Variants in AVL9 observed in about 807,000 individuals in gnomAD.
AVL9 encodes the protein late secretory pathway protein AVL9 homolog.
AVL9 carries 49 observed loss-of-function variants against 79.2 expected under a neutral mutation model. That is an observed-to-expected ratio of 0.62 (90% CI 0.49 to 0.79). The LOEUF is 0.79. Ranked by LOEUF, AVL9 falls within the 30% of genes least tolerant of loss-of-function variation. The pLI, the probability that AVL9 is intolerant of heterozygous loss-of-function variation, is 0.00. For synonymous variants in AVL9, 299 were observed against 280.6 expected (o/e 1.07, Z -0.65); for missense variants, 682 against 776.8 (o/e 0.88, Z 1.45).
At chr7:32,535,252 T>C (rs1022124517) in intron 1 of AVL9, 1 of 152,232 alleles carries the variant, frequency 6.6e-6, no homozygotes, top group African/African-American at 2.4e-5. Context: ...ATAAAATCTT[T>C]GGAGACCATT....
chr7:32,497,113 T>A (rs1246135652), intron 1 of AVL9, among the ~76,000 whole-genome samples: 1 of 67,326 alleles, frequency 1.5e-5, no homozygotes, highest in Non-Finnish European at 3.2e-5. Flanking sequence ...CCCAGCACTT[T>A]GGGAGGCCGA....
chr7:32,550,872 AAAGT>A (rs1195200503), intron 4 of AVL9, among the ~76,000 whole-genome samples: 4 of 152,208 alleles, frequency 2.6e-5, no homozygotes, highest in Non-Finnish European at 5.9e-5. Context: ...GGCCAGCAAA[AAAGT>A]GTGCAGAATT....
intron 1 of AVL9, among the ~76,000 whole-genome samples, chr7:32,503,319 G>GATATATATATATATATAT (rs371363185): frequency 3.3e-5 from 4 of 120,684 alleles, no homozygotes; most frequent in Admixed American, 9.1e-5. Context: ...TCTACTAAAA[G>GATATATATATATATATAT]ATATATATAT....
rs181362755 is a variant in AVL9 at position 32,507,816 on chromosome 7, A to G, written c.93+12014A>G. Reference sequence around the variant, plus strand: ...CCTGTCTTCGCTTTTAGTAGATATCAAATTGTTTTCCGAAACAGTGGAACC... The same window carrying G: ...CCTGTCTTCGCTTTTAGTAGATATCGAATTGTTTTCCGAAACAGTGGAACC... On this transcript the variant is annotated intron_variant, in intron 1 of 15. Transcript: ENST00000318709. Among the ~76,000 whole-genome samples, 121 of 152,352 alleles carry G rather than the reference A, an allele frequency of 7.9e-4. 1 individual carries two copies. Among genetic ancestry groups the G allele is most frequent in the African/African-American group, 2.8e-3 (116 of 41,588 alleles).
rs999967899 is a variant in AVL9, at chr7:32,580,524, C to T, written c.1742+252C>T. 2.4e-4 allele frequency among the ~76,000 whole-genome samples: 36 copies of T among 152,140 alleles called. 1 individual carries two copies. Among genetic ancestry groups the T allele is most frequent in the Admixed American group, 1.3e-4 (2 of 15,266 alleles). Reference sequence around the variant, plus strand: ...TTTTGGTGAAGTGCTTTTAGCAAGCCGTGGCTGTCGGAGAGATGCAGCCAT... The same window carrying T: ...TTTTGGTGAAGTGCTTTTAGCAAGCTGTGGCTGTCGGAGAGATGCAGCCAT... On this transcript the variant is annotated intron_variant, in intron 14 of 15. Coordinates refer to ENST00000318709, the MANE Select transcript of AVL9 (RefSeq NM_015060.3).
intron 11 of AVL9, among the ~76,000 whole-genome samples, chr7:32,570,542 G>A (rs1396554020): frequency 6.6e-6 from 1 of 152,082 alleles, no homozygotes; most frequent in East Asian, 1.9e-4. Flanking sequence ...TTGATACCAA[G>A]ACGAAAGCTA....
chr7:32,513,537 GCCT>G (rs1340948130), intron 1 of AVL9, among the ~76,000 whole-genome samples: 1 of 152,244 alleles, frequency 6.6e-6, no homozygotes, highest in Non-Finnish European at 1.5e-5. Context: ...TGACTTGGAA[GCCT>G]CCTTCTTTGA....
chr7:32,580,743 G>T, intron 14 of AVL9, 59 bp from the exon 15 acceptor site: 1 of 1,159,768 alleles, frequency 8.6e-7, no homozygotes, highest in East Asian at 2.4e-5. Flanking sequence ...GTCTGTGTGC[G>T]TGTGTGAGAT....
intron 1 of AVL9, among the ~76,000 whole-genome samples, chr7:32,503,361 GAT>G (rs367803456): frequency 0.021 from 2,513 of 121,280 alleles, 51 homozygotes; most frequent in African/African-American, 0.047. Context: ...GATATAGAGA[GAT>G]ATATATATAT....
At chr7:32,518,473 C>CTTTTT (rs1788002743) in intron 1 of AVL9, among the ~76,000 whole-genome samples, 1 of 151,328 alleles carries the variant, frequency 6.6e-6, no homozygotes, top group East Asian at 1.9e-4. Flanking sequence ...TGTAGGAAAA[C>CTTTTT]ATTGTTTCAA....
chr7:32,510,206 C>T (rs1597553), intron 1 of AVL9, among the ~76,000 whole-genome samples: 150,174 of 150,792 alleles, frequency 1, 74,781 homozygotes, highest in Non-Finnish European at 1. Context: ...GGGTGAGATA[C>T]GTGAGCCGTC....
intron 4 of AVL9, among the ~76,000 whole-genome samples, chr7:32,549,211 T>TTA (rs3079798): frequency 3.1e-4 from 44 of 142,460 alleles, no homozygotes; most frequent in South Asian, 6.7e-4. Context: ...AAAAAAAATT[T>TTA]TATATATATA....
chr7:32,526,174 T>TA (rs1480692931), intron 1 of AVL9, among the ~76,000 whole-genome samples: 3 of 152,188 alleles, frequency 2.0e-5, no homozygotes, highest in African/African-American at 7.2e-5. Flanking sequence ...GACCCCTTTT[T>TA]ACTTAGTCTC....
chr7:32,533,925 C>T (rs1240323383), intron 1 of AVL9: 1 of 152,076 alleles, frequency 6.6e-6, no homozygotes, highest in African/African-American at 2.4e-5. Flanking sequence ...AGAGGGTATT[C>T]CTGAAGTACT....
At chr7:32,575,920 C>A in intron 12 of AVL9, 35 bp from the exon 13 acceptor site, 1 of 1,455,528 alleles carries the variant, frequency 6.9e-7, no homozygotes, top group Non-Finnish European at 9.7e-7. Context: ...ATGGCTACAG[C>A]CCAGCTCAAC....
Position 32,559,192 on chromosome 7 carries a change from T to TC in AVL9, c.943_944insC (p.Tyr315SerfsTer16), listed in dbSNP as rs1790223450. On this transcript the variant is annotated frameshift_variant, in exon 10 of 16. Coordinates refer to ENST00000318709, the MANE Select transcript of AVL9 (RefSeq NM_015060.3). LOFTEE classifies it high-confidence loss of function. ...GCAGGAACCCAATGATACCAATCAA[T>TC]ATTTGAAACCTCCATCTCGCCCATC... 1 of 1,614,182 alleles carries TC rather than the reference T, an allele frequency of 6.2e-7. No homozygotes were observed. The highest frequency in any genetic ancestry group is 8.5e-7 in the Non-Finnish European group (1 of 1,180,042).
chr7:32,495,598 A>T lies in AVL9; in HGVS notation c.-112A>T. 1.6e-6 allele frequency: 1 copy of T among 608,254 alleles called. No individual in the cohort carries two copies. The allele number at this position is 608,254 out of a possible 1,614,324, so 37.7% of individuals were successfully genotyped here. A position where few individuals can be genotyped will look rare whatever the true frequency, so the allele number is the denominator to read the frequency against. On this transcript the variant is annotated 5_prime_UTR_variant, in exon 1 of 16. The change abolishes an upstream ATG in the 5' untranslated region. Transcript: ENST00000318709. ...CCACCGATCTCCCTGTGCGGCCCTCATGTGCTGTGCTCGCTGACACCCGAA... is the reference window on the plus strand; with the variant it reads ...CCACCGATCTCCCTGTGCGGCCCTCTTGTGCTGTGCTCGCTGACACCCGAA...
At chr7:32,502,392 C>CAAAAAAAAAAAAAAAAAAAA (rs70992721) in intron 1 of AVL9, among the ~76,000 whole-genome samples, 21 of 114,376 alleles carry the variant, frequency 1.8e-4, no homozygotes, top group African/African-American at 6.6e-4. Flanking sequence ...AACCCTTTCT[C>CAAAAAAAAAAAAAAAAAAAA]AAAAAAAAAA....
rs1258432277 is a variant in AVL9, at chr7:32,567,703, TA to T, written c.1216-2316del. Among the ~76,000 whole-genome samples the T allele has an allele frequency of 8.0e-4, 121 of 151,724 alleles. 1 individual carries two copies. Among genetic ancestry groups the T allele is most frequent in the South Asian group, 3.3e-3 (16 of 4,814 alleles). ...CCTTTATTTTTTATTTATTTTATTTTATTTTTATTTATTTATTTATTTATTT... is the reference window on the plus strand; with the variant it reads ...CCTTTATTTTTTATTTATTTTATTTTTTTTTATTTATTTATTTATTTATTT... On this transcript the variant is annotated intron_variant, in intron 10 of 15. Coordinates refer to ENST00000318709, the MANE Select transcript of AVL9 (RefSeq NM_015060.3).
Sources: allele counts gnomAD v4.1 joint callset (sites outside exome capture counted in the v4.1 genomes callset), GRCh38; gene constraint gnomAD v4.1.1; transcripts MANE v1.5; gene names NCBI Gene and HGNC (gene_info 2026-07-23, HGNC 2026-07-21).